The following KLHDC10 variants were observed in gnomAD, a reference collection of about 807,000 sequenced individuals.
The protein encoded by KLHDC10 is kelch domain-containing protein 10.
In KLHDC10, 24 loss-of-function variants were observed where a neutral mutation model predicts 56.1. That is an observed-to-expected ratio of 0.43 (90% CI 0.31 to 0.60). The LOEUF (loss-of-function observed/expected upper bound fraction) is 0.60. KLHDC10 is among the 20% of genes least tolerant of loss of function. KLHDC10 has a pLI of 0.11. For missense variants in KLHDC10, 349 were observed against 567.0 expected (o/e 0.62, Z 3.91); for synonymous variants, 188 against 207.1 (o/e 0.91, Z 0.79).
chr7:130,128,889 A>ATATAT (rs1554468214), intron 8 of KLHDC10, among the ~76,000 whole-genome samples: 37 of 66,950 alleles, frequency 5.5e-4, no homozygotes, highest in East Asian at 1.8e-3. Flanking sequence ...AAAAAAAAAA[A>ATATAT]ATATATATAT....
intron 2 of KLHDC10, among the ~76,000 whole-genome samples, chr7:130,111,903 G>A (rs969291211): frequency 5.3e-5 from 8 of 152,126 alleles, no homozygotes; most frequent in Non-Finnish European, 4.4e-5. Context: ...CCATCAGATT[G>A]GCACAAATTT....
chr7:130,124,025 T>C (rs1191396979), intron 5 of KLHDC10, among the ~76,000 whole-genome samples: 1 of 152,164 alleles, frequency 6.6e-6, no homozygotes, highest in East Asian at 1.9e-4. Flanking sequence ...TTCCCCTTTA[T>C]ACAAAGTTAT....
chr7:130,078,217 C>A (rs1191388497), intron 1 of KLHDC10, among the ~76,000 whole-genome samples: 1 of 151,198 alleles, frequency 6.6e-6, no homozygotes, highest in Non-Finnish European at 1.5e-5. Context: ...AAAACACACA[C>A]AAAAAAATTA....
At chr7:130,114,295 G>C (rs1796139553) in intron 2 of KLHDC10, among the ~76,000 whole-genome samples, 2 of 152,192 alleles carry the variant, frequency 1.3e-5, no homozygotes, top group South Asian at 4.1e-4. Flanking sequence ...GTTTCATTTA[G>C]TGTTTGCTGT....
chr7:130,124,618 C>A, intron 6 of KLHDC10, 83 bp downstream of exon 6: 1 of 729,792 alleles, frequency 1.4e-6, no homozygotes, highest in Non-Finnish European at 2.4e-6. Flanking sequence ...AATTCTGTTA[C>A]TTTGGATATT....
At chr7:130,071,207 G>A (rs912077899) in intron 1 of KLHDC10, among the ~76,000 whole-genome samples, 2 of 152,214 alleles carry the variant, frequency 1.3e-5, no homozygotes, top group Non-Finnish European at 2.9e-5. Flanking sequence ...GAGAGAAGAA[G>A]GAAACGCATT....
intron 1 of KLHDC10, among the ~76,000 whole-genome samples, chr7:130,082,536 C>T (rs544548913): frequency 2.0e-5 from 3 of 152,254 alleles, no homozygotes; most frequent in African/African-American, 7.2e-5. Flanking sequence ...ACAAGGCTTG[C>T]TTATGTTTTC....
rs12534301 is a variant in KLHDC10 at position 130,101,011 on chromosome 7, C to A, written c.253+4004C>A. Among the ~76,000 whole-genome samples, 797 of 97,646 alleles carry A rather than the reference C, an allele frequency of 8.2e-3. 21 individuals are homozygous for A. The highest frequency in any genetic ancestry group is 0.036 in the Middle Eastern group (7 of 194). 64.1% of individuals were successfully genotyped at this position (97,646 alleles called of 152,430 possible). On this transcript the variant is annotated intron_variant, in intron 2 of 9. Coordinates refer to ENST00000335420, the MANE Select transcript of KLHDC10 (RefSeq NM_014997.4). ...AATCATTGTAATTAAAAAAAAAAAA[C>A]AAAAAAAACAGAAAAGGGAGACTTT... is the stretch of plus-strand genomic sequence containing the variant.
At chr7:130,126,703 A>T (rs1021110761) in intron 7 of KLHDC10, among the ~76,000 whole-genome samples, 8 of 152,152 alleles carry the variant, frequency 5.3e-5, no homozygotes, top group Non-Finnish European at 7.4e-5. Context: ...AAACAAAAAC[A>T]AAAACTAACA....
At chr7:130,125,832 A>T (rs372230784) in intron 6 of KLHDC10, 33 bp from the exon 7 acceptor site, 1 of 1,478,148 alleles carries the variant, frequency 6.8e-7, no homozygotes. Context: ...ACAATTATTT[A>T]TGTATGTGTA....
In KLHDC10 at chr7:130,120,731, G is replaced by A. The variant is rs747160212; in HGVS notation, c.476-18G>A. ...AGGTAGCCATTTGTGAACAGAACTT[G>A]TGCTTCTCCTTCCTCAGTTGTGCTG... On this transcript the variant is annotated intron_variant, in intron 3 of 9. Coordinates refer to ENST00000335420, the MANE Select transcript of KLHDC10 (RefSeq NM_014997.4). This position sits in a 1 kb window ranked among gnomAD's most constrained non-coding sequence, Gnocchi z 5.1. 6.2e-6 allele frequency: 10 copies of A among 1,613,164 alleles called. No homozygotes were observed. The highest frequency in any genetic ancestry group is 7.6e-6 in the Non-Finnish European group (9 of 1,179,528).
intron 2 of KLHDC10, among the ~76,000 whole-genome samples, chr7:130,106,614 G>T (rs112671712): frequency 7.4e-4 from 112 of 152,294 alleles, no homozygotes; most frequent in Non-Finnish European, 1.2e-3. Flanking sequence ...GATATTTAAT[G>T]TGTTCATTTT....
intron 2 of KLHDC10, among the ~76,000 whole-genome samples, chr7:130,111,537 C>T (rs1014696287): frequency 6.6e-6 from 1 of 152,020 alleles, no homozygotes; most frequent in Non-Finnish European, 1.5e-5. Context: ...AATGATGCCT[C>T]ATCTCTACAA....
Position 130,120,234 on chromosome 7 carries a change from G to A in KLHDC10, c.476-515G>A, listed in dbSNP as rs1219954517. Among the ~76,000 whole-genome samples, 2 of 152,146 alleles carry A rather than the reference G, an allele frequency of 1.3e-5. No individual in the cohort carries two copies. Among genetic ancestry groups the A allele is most frequent in the African/African-American group, 4.8e-5 (2 of 41,428 alleles). On this transcript the variant is annotated intron_variant, in intron 3 of 9. Coordinates refer to ENST00000335420, the MANE Select transcript of KLHDC10 (RefSeq NM_014997.4). This position sits in a 1 kb window ranked among gnomAD's most constrained non-coding sequence, Gnocchi z 5.1. Reference sequence around the variant, plus strand: ...GTCTTCAGCAGCAGTGGTATACTGGGTAGACTGTAGTTCATGGAACTCAAT... The same window carrying A: ...GTCTTCAGCAGCAGTGGTATACTGGATAGACTGTAGTTCATGGAACTCAAT...
intron 2 of KLHDC10, among the ~76,000 whole-genome samples, chr7:130,103,826 A>G (rs1795971653): frequency 6.6e-6 from 1 of 152,096 alleles, no homozygotes; most frequent in South Asian, 2.1e-4. Context: ...GTGGTAGCTT[A>G]CACCTGTAAT....
intron 2 of KLHDC10, among the ~76,000 whole-genome samples, chr7:130,114,498 A>G (rs1197324435): frequency 6.6e-6 from 1 of 152,226 alleles, no homozygotes; most frequent in Non-Finnish European, 1.5e-5. Flanking sequence ...AAGGTCAGTG[A>G]CTTGCTCAAA....
intron 1 of KLHDC10, among the ~76,000 whole-genome samples, chr7:130,071,031 A>C (rs1485527933): frequency 6.6e-6 from 1 of 152,172 alleles, no homozygotes; most frequent in Non-Finnish European, 1.5e-5. Flanking sequence ...CTCTGTGCTG[A>C]GAGTTGTGTT....
intron 1 of KLHDC10, among the ~76,000 whole-genome samples, chr7:130,088,859 C>T (rs1475855275): frequency 1.3e-5 from 2 of 151,960 alleles, no homozygotes; most frequent in Admixed American, 6.6e-5. Flanking sequence ...TCTTGAACTC[C>T]TGACCTCAAG....
rs755901015 is a variant in KLHDC10, at chr7:130,130,732, G to A, written c.1315G>A (p.Glu439Lys). ...CCTTGGACTCACACAGGGACTCATC[G>A]AACGCTTGAAATGAGGATTTCTGGA... ...LHLGLTQGLIERLK is the reference protein window; with the variant it reads ...LHLGLTQGLIKRLK Residue 439 changes from glutamate (E) to lysine (K), a missense_variant, in exon 10 of 10, where the codon GAA becomes AAA. By Grantham distance (56) the Glu-to-Lys change is moderately conservative (BLOSUM62 1). Around this residue, in one of 2 missense-constraint regions of KLHDC10, gnomAD observed 245 missense variants for 470.1 expected, o/e 0.52. Transcript: ENST00000335420. The surrounding 1 kb of genome is among the most constrained non-coding windows in gnomAD (Gnocchi z 4.2). The A allele has an allele frequency of 2.5e-6, 4 of 1,613,998 alleles. No homozygotes were observed. The South Asian group carries it at 3.3e-5, about 13-fold the overall frequency.
Sources: allele counts gnomAD v4.1 joint callset (sites outside exome capture counted in the v4.1 genomes callset), GRCh38; gene constraint gnomAD v4.1.1; regional missense constraint gnomAD v4.1.1; non-coding constraint Gnocchi (gnomAD v3.1); transcripts MANE v1.5; gene names NCBI Gene and HGNC (gene_info 2026-07-23, HGNC 2026-07-21).